Variants in PPARGC1A observed in about 807,000 individuals in gnomAD.
PPARGC1A encodes the protein PPARG coactivator 1 alpha, also known as peroxisome proliferator-activated receptor gamma coactivator 1-alpha.
PPARGC1A carries 25 observed loss-of-function variants against 88.7 expected under a neutral mutation model. The observed-to-expected ratio is 0.28, with a 90% CI of 0.21 to 0.39. The LOEUF is 0.39. PPARGC1A is among the 10% of genes least tolerant of loss of function. The probability of loss-of-function intolerance (pLI) is 1.00; values close to 1 mark genes in which losing one functional copy is unlikely to be tolerated. For synonymous variants in PPARGC1A, 363 were observed against 355.6 expected (o/e 1.02, Z -0.24); for missense variants, 880 against 968.7 (o/e 0.91, Z 1.22).
At chr4:24,009,373 T>C in the PPARGC1A span, among the ~76,000 whole-genome samples, 1 of 152,092 alleles carries the variant, frequency 6.6e-6, no homozygotes, top group Non-Finnish European at 1.5e-5. Context: ...GGGTCTGATT[T>C]TATTCTTGTT....
At chr4:24,391,958 C>A in the PPARGC1A span, among the ~76,000 whole-genome samples, 4 of 152,160 alleles carry the variant, frequency 2.6e-5, no homozygotes, top group East Asian at 7.7e-4. Context: ...ACAAAGGATA[C>A]AGAAGGTACA....
At chr4:24,394,784 T>C in the PPARGC1A span, among the ~76,000 whole-genome samples, 5 of 152,162 alleles carry the variant, frequency 3.3e-5, no homozygotes, top group African/African-American at 1.2e-4. Context: ...ATGCTGCCAA[T>C]TAAATGATGA....
the PPARGC1A span, among the ~76,000 whole-genome samples, chr4:24,248,923 G>A: frequency 6.6e-6 from 1 of 152,136 alleles, no homozygotes; most frequent in Non-Finnish European, 1.5e-5. Flanking sequence ...TATTGTTATT[G>A]CCGAGTAGAG....
At chr4:24,290,588 C>T in the PPARGC1A span, among the ~76,000 whole-genome samples, 1 of 152,148 alleles carries the variant, frequency 6.6e-6, no homozygotes, top group South Asian at 2.1e-4. Flanking sequence ...ATGTGACTGA[C>T]CATCATGATT....
At chr4:24,300,324 AT>A in the PPARGC1A span, among the ~76,000 whole-genome samples, 5 of 45,028 alleles carry the variant, frequency 1.1e-4, no homozygotes, top group Non-Finnish European at 1.8e-4. Context: ...ATACAATAGC[AT>A]TTTTTTTTTT....
the PPARGC1A span, among the ~76,000 whole-genome samples, chr4:24,325,691 C>T: frequency 2.0e-5 from 3 of 152,200 alleles, no homozygotes; most frequent in African/African-American, 7.2e-5. Flanking sequence ...GCTGCCCGAT[C>T]GCCTCGGAAG....
the PPARGC1A span, among the ~76,000 whole-genome samples, chr4:24,207,800 T>A: frequency 2.0e-5 from 3 of 152,136 alleles, no homozygotes; most frequent in African/African-American, 7.2e-5. Flanking sequence ...AAATAAGGAA[T>A]AAATAAAAAA....
chr4:24,295,908 C>T, the PPARGC1A span, among the ~76,000 whole-genome samples: 1 of 150,916 alleles, frequency 6.6e-6, no homozygotes, highest in Non-Finnish European at 1.5e-5. Flanking sequence ...GCCTTTATAA[C>T]TCTAGCTCAT....
At chr4:23,930,676 G>A in the PPARGC1A span, among the ~76,000 whole-genome samples, 2 of 152,172 alleles carry the variant, frequency 1.3e-5, no homozygotes, top group East Asian at 3.9e-4. Flanking sequence ...ACCCTTCAGG[G>A]TTCAATGTAC....
chr4:24,253,953 G>C, the PPARGC1A span, among the ~76,000 whole-genome samples: 7 of 152,184 alleles, frequency 4.6e-5, no homozygotes, highest in Admixed American at 3.3e-4. Flanking sequence ...GGATACCAAT[G>C]ATGGACCAGT....
At chr4:24,004,823 C>A in the PPARGC1A span, among the ~76,000 whole-genome samples, 23 of 152,268 alleles carry the variant, frequency 1.5e-4, no homozygotes, top group East Asian at 4.4e-3. Context: ...CCTGGCTCTC[C>A]TCCTTGCTAT....
the PPARGC1A span, among the ~76,000 whole-genome samples, chr4:24,043,615 C>G: frequency 5.3e-5 from 8 of 152,222 alleles, no homozygotes; most frequent in South Asian, 1.7e-3. Flanking sequence ...CTTTTCTATA[C>G]CTTTCTACCC....
At chr4:24,365,768 TA>T in the PPARGC1A span, among the ~76,000 whole-genome samples, 113 of 152,296 alleles carry the variant, frequency 7.4e-4, no homozygotes, top group Non-Finnish European at 1.2e-3. Context: ...AGTTTTTTTT[TA>T]ATATATGCTT....
the PPARGC1A span, among the ~76,000 whole-genome samples, chr4:24,051,915 A>G: frequency 7.0e-6 from 1 of 143,464 alleles, no homozygotes; most frequent in Non-Finnish European, 1.5e-5. Flanking sequence ...TGGGACAGTT[A>G]TTCTCAGCAG....
the PPARGC1A span, among the ~76,000 whole-genome samples, chr4:24,058,948 G>A: frequency 6.6e-6 from 1 of 152,154 alleles, no homozygotes; most frequent in South Asian, 2.1e-4. Context: ...CACATGCTAT[G>A]AACTGAATTC....
chr4:24,280,814 T>C, the PPARGC1A span, among the ~76,000 whole-genome samples: 1 of 152,236 alleles, frequency 6.6e-6, no homozygotes, highest in Non-Finnish European at 1.5e-5. Flanking sequence ...ACTTTTGTTG[T>C]TCCTCGTCTT....
the PPARGC1A span, among the ~76,000 whole-genome samples, chr4:24,036,241 A>G: frequency 6.6e-6 from 1 of 152,250 alleles, no homozygotes; most frequent in Admixed American, 6.5e-5. Flanking sequence ...ACTGACAATA[A>G]TAAGAGTTGA....
the PPARGC1A span, among the ~76,000 whole-genome samples, chr4:24,224,108 C>T: frequency 1.8e-4 from 28 of 152,262 alleles, no homozygotes; most frequent in South Asian, 2.9e-3. Context: ...ACGACAGTGT[C>T]GTTACTGAGT....
the PPARGC1A span, among the ~76,000 whole-genome samples, chr4:24,158,379 G>T: frequency 3.3e-5 from 5 of 152,126 alleles, no homozygotes; most frequent in African/African-American, 1.2e-4. Context: ...CTCCACAAGA[G>T]CAGGGACCTT....
Sources: gnomAD v4.1 joint callset for allele counts (sites outside exome capture counted in the v4.1 genomes callset) on GRCh38, gnomAD v4.1.1 for gene constraint, MANE v1.5 for transcripts, NCBI Gene and HGNC (gene_info 2026-07-23, HGNC 2026-07-21) for gene names.